CNTN5: variants seen among roughly 807,000 people sequenced by gnomAD.
CNTN5 encodes contactin 5.
Under a neutral mutation model 129.1 loss-of-function variants are expected in CNTN5, and 77 were observed. The ratio of observed to expected loss-of-function variants is 0.60; its 90% CI spans 0.50 to 0.72. The LOEUF (loss-of-function observed/expected upper bound fraction) is 0.72. Among genes scored for constraint, CNTN5 ranks in the 30% least tolerant of loss-of-function variants. The pLI, the probability that CNTN5 is intolerant of heterozygous loss-of-function variation, is 0.00. For missense variants in CNTN5, 1,478 were observed against 1,328.8 expected, an observed-to-expected ratio of 1.11 and a Z score of -1.75; for synonymous variants, 509 against 465.6, an observed-to-expected ratio of 1.09 and a Z score of -1.20.
chr11:99,105,115 T>C (rs1866933686), intron 1 of CNTN5, among the ~76,000 whole-genome samples: 1 of 152,144 alleles, frequency 6.6e-6, no homozygotes, highest in Admixed American at 6.5e-5. Context: ...TCAGTTTGAA[T>C]TGTGACTCTG....
chr11:100,005,011 CAAG>C (rs1201857225), intron 9 of CNTN5, among the ~76,000 whole-genome samples: 14 of 152,114 alleles, frequency 9.2e-5, no homozygotes, highest in Admixed American at 9.2e-4. Flanking sequence ...CTGCAGGGAA[CAAG>C]AAGGTGACAG....
At chr11:99,800,943 G>A (rs142378485) in intron 3 of CNTN5, among the ~76,000 whole-genome samples, 3 of 152,196 alleles carry the variant, frequency 2.0e-5, no homozygotes, top group Admixed American at 2.0e-4. Flanking sequence ...ATATTGATAT[G>A]TGAAGTTTTG....
At chr11:100,050,752 C>T (rs10894352) in intron 9 of CNTN5, among the ~76,000 whole-genome samples, 1 of 151,876 alleles carries the variant, frequency 6.6e-6, no homozygotes, top group South Asian at 2.1e-4. Flanking sequence ...AGATTAAAAA[C>T]GTGTACCATG....
intron 1 of CNTN5, among the ~76,000 whole-genome samples, chr11:99,072,324 T>C (rs1228370648): frequency 1.3e-5 from 2 of 152,088 alleles, no homozygotes; most frequent in Non-Finnish European, 2.9e-5. Flanking sequence ...ACCAATTCAT[T>C]TGCATAGTAA....
chr11:99,447,280 T>G (rs1203280571), intron 2 of CNTN5, among the ~76,000 whole-genome samples: 1 of 152,262 alleles, frequency 6.6e-6, no homozygotes, highest in African/African-American at 2.4e-5. Context: ...TATTCTCTAC[T>G]GCACAACTTC....
chr11:99,671,802 A>T (rs530873380), intron 3 of CNTN5, among the ~76,000 whole-genome samples: 68 of 152,314 alleles, frequency 4.5e-4, no homozygotes, highest in Non-Finnish European at 7.1e-4. Flanking sequence ...ATAGTAATAT[A>T]TTCGAGTAGA....
intron 6 of CNTN5, among the ~76,000 whole-genome samples, chr11:99,858,384 A>C (rs1389047836): frequency 6.6e-6 from 1 of 152,098 alleles, no homozygotes; most frequent in African/African-American, 2.4e-5. Flanking sequence ...AACAGTCATT[A>C]AATTACCAAA....
At chr11:99,526,097 G>A (rs1481427247) in intron 2 of CNTN5, among the ~76,000 whole-genome samples, 1 of 152,046 alleles carries the variant, frequency 6.6e-6, no homozygotes, top group Admixed American at 6.6e-5. Context: ...GCTCCTTTAA[G>A]CAAAAAACTG....
intron 13 of CNTN5, among the ~76,000 whole-genome samples, chr11:100,185,533 G>A (rs1948273978): frequency 6.6e-6 from 1 of 152,090 alleles, no homozygotes; most frequent in South Asian, 2.1e-4. Context: ...TACATTAAGG[G>A]GAAAAATGAT....
chr11:100,053,029 C>A (rs1943034502), intron 9 of CNTN5, among the ~76,000 whole-genome samples: 1 of 151,616 alleles, frequency 6.6e-6, no homozygotes, highest in Non-Finnish European at 1.5e-5. Flanking sequence ...TTAACCATAT[C>A]CTGTACCATA....
chr11:99,867,711 G>C (rs1006186775), intron 6 of CNTN5, among the ~76,000 whole-genome samples: 25 of 152,232 alleles, frequency 1.6e-4, no homozygotes, highest in African/African-American at 6.0e-4. Flanking sequence ...GTATAATCCA[G>C]TAGAATCTCT....
chr11:100,017,964 T>C (rs1940923789), intron 9 of CNTN5, among the ~76,000 whole-genome samples: 1 of 151,982 alleles, frequency 6.6e-6, no homozygotes, highest in African/African-American at 2.4e-5. Context: ...GTTAGACCAT[T>C]TGGTTATTGT....
chr11:100,220,109 C>A (rs991802710), intron 15 of CNTN5, among the ~76,000 whole-genome samples: 1 of 151,802 alleles, frequency 6.6e-6, no homozygotes, highest in African/African-American at 2.4e-5. Context: ...ATCCCTGTCT[C>A]TACTAAAAAT....
At chr11:99,717,457 AT>A (rs1226051964) in intron 3 of CNTN5, among the ~76,000 whole-genome samples, 1 of 152,074 alleles carries the variant, frequency 6.6e-6, no homozygotes, top group African/African-American at 2.4e-5. Context: ...TCTATCAGTA[AT>A]ATAAAAAAAG....
chr11:99,091,598 C>A (rs1277263639), intron 1 of CNTN5, among the ~76,000 whole-genome samples: 1 of 152,090 alleles, frequency 6.6e-6, no homozygotes, highest in Non-Finnish European at 1.5e-5. Context: ...CTGAGCCCAC[C>A]AAGGGAGAGG....
intron 4 of CNTN5, among the ~76,000 whole-genome samples, chr11:99,835,872 G>A (rs1947286218): frequency 6.6e-6 from 1 of 152,146 alleles, no homozygotes; most frequent in African/African-American, 2.4e-5. Context: ...AGAGAAGATG[G>A]TTTATCAGCA....
At chr11:99,516,248 A>G (rs898514372) in intron 2 of CNTN5, among the ~76,000 whole-genome samples, 14 of 152,122 alleles carry the variant, frequency 9.2e-5, no homozygotes, top group Non-Finnish European at 1.9e-4. Flanking sequence ...AATCATTTTT[A>G]CCATTCCAGT....
intron 8 of CNTN5, among the ~76,000 whole-genome samples, chr11:99,984,619 A>C (rs1010907272): frequency 6.6e-6 from 1 of 152,180 alleles, no homozygotes; most frequent in Non-Finnish European, 1.5e-5. Context: ...TACAATTTGA[A>C]GTGAAACATA....
At chr11:99,824,357 T>G (rs1366566810) in intron 4 of CNTN5, among the ~76,000 whole-genome samples, 1 of 151,992 alleles carries the variant, frequency 6.6e-6, no homozygotes, top group Non-Finnish European at 1.5e-5. Flanking sequence ...TTTTCTTGAC[T>G]AGTGAGGTTG....
Sources: allele counts gnomAD v4.1 joint callset (sites outside exome capture counted in the v4.1 genomes callset), GRCh38; gene constraint gnomAD v4.1.1; transcripts MANE v1.5; gene names NCBI Gene and HGNC (gene_info 2026-07-23, HGNC 2026-07-21).